OR52N4: variants seen among roughly 807,000 people sequenced by gnomAD.
OR52N4 encodes olfactory receptor family 52 subfamily N member 4.
A neutral mutation model predicts 15.0 loss-of-function variants in OR52N4; 15 were observed. The ratio of observed to expected loss-of-function variants is 1.00; its 90% confidence interval spans 0.67 to 1.54. The LOEUF is 1.54. Ranked by LOEUF, OR52N4 falls within the 40% of genes most tolerant of loss-of-function variation. The pLI, the probability that OR52N4 is intolerant of heterozygous loss-of-function variation, is 0.00. For missense variants in OR52N4, 421 were observed against 394.0 expected (o/e 1.07, Z -0.58); for synonymous variants, 143 against 143.7 (o/e 1.00, Z 0.03).
rs1174613992 is a variant in OR52N4 at position 5,755,463 on chromosome 11, T to C, written c.723T>C (p.Asn241=). Residue 241 remains asparagine (N), a synonymous_variant, in exon 2 of 2, where the codon AAT becomes AAC. Transcript: ENST00000641350. ...CAGATGCTCGGCAGAAGGCCTTTAA[T>C]ACCTGCACTGCCCACATTTGTGCCA... ...SSADARQKAF[N]TCTAHICAIV... is the part of the protein sequence containing the mutation. 10 of 1,614,030 alleles carry C rather than the reference T, an allele frequency of 6.2e-6. No individual in the cohort carries two copies. The highest frequency in any genetic ancestry group is 8.5e-6 in the Non-Finnish European group (10 of 1,179,918).
chr11:5,741,780 G>A, the OR52N4 span, among the ~76,000 whole-genome samples: 1 of 152,080 alleles, frequency 6.6e-6, no homozygotes, highest in South Asian at 2.1e-4. Flanking sequence ...GAAGCCAGGG[G>A]ACAGCAATTA....
the OR52N4 span, among the ~76,000 whole-genome samples, chr11:5,732,444 T>C: frequency 6.6e-6 from 1 of 152,232 alleles, no homozygotes; most frequent in East Asian, 1.9e-4. Flanking sequence ...AAAAGTCATT[T>C]GTAACCTCCA....
At chr11:5,750,259 A>T (rs1208312885), upstream of OR52N4, among the ~76,000 whole-genome samples, 1 of 152,006 alleles carries the variant, frequency 6.6e-6, no homozygotes, top group African/African-American at 2.4e-5. Context: ...TGGAACCATG[A>T]ACACATACTT....
chr11:5,729,946 A>C, the OR52N4 span, among the ~76,000 whole-genome samples: 1 of 152,206 alleles, frequency 6.6e-6, no homozygotes, highest in South Asian at 2.1e-4. Flanking sequence ...GGGATCCCAG[A>C]CTATCAGTTA....
chr11:5,755,034 A>T lies in OR52N4; in HGVS notation c.294A>T (p.Glu98Asp). 1 of 1,614,020 alleles carries T rather than the reference A, an allele frequency of 6.2e-7. No individual in the cohort carries two copies. The highest frequency in any genetic ancestry group is 8.5e-7 in the Non-Finnish European group (1 of 1,179,968). ...WFHLKDIGFD[E>D]CLVQMFFTHT... The stretch of plus-strand genomic sequence containing the variant: ...ATCTCAAGGACATTGGATTTGATGA[A>T]TGCCTTGTCCAGATGTTCTTCACCC... Residue 98 changes from glutamate (E) to aspartate (D), a missense_variant, in exon 2 of 2, where the codon GAA becomes GAT. Coordinates refer to ENST00000641350, the MANE Select transcript of OR52N4 (RefSeq NM_001005175.5).
upstream of OR52N4, among the ~76,000 whole-genome samples, chr11:5,753,584 A>T (rs4414254): frequency 0.17 from 25,956 of 151,806 alleles, 2,415 homozygotes; most frequent in East Asian, 0.25. Flanking sequence ...AAAGTGAAAA[A>T]ATTGAATCAA....
In OR52N4 at chr11:5,754,911, G is replaced by A. The variant is rs1211688298; in HGVS notation, c.171G>A (p.Leu57=). ...LLYLIHYEDA[L]HKPMYYFLAM... The stretch of plus-strand genomic sequence containing the variant: ...ACCTCATTCACTATGAGGATGCCCT[G>A]CACAAACCCATGTACTACTTCTTGG... The change falls in exon 2 of 2, where the codon CTG becomes CTA. Residue 57 remains leucine (L), a synonymous_variant. Transcript: ENST00000641350. The A allele has an allele frequency of 6.2e-7, 1 of 1,613,720 alleles. No individual in the cohort carries two copies. The highest frequency in any genetic ancestry group is 8.5e-7 in the Non-Finnish European group (1 of 1,179,776).
the OR52N4 span, among the ~76,000 whole-genome samples, chr11:5,744,949 T>C: frequency 6.6e-6 from 1 of 151,992 alleles, no homozygotes; most frequent in African/African-American, 2.4e-5. Context: ...AAAAAACATA[T>C]AATCATTTTA....
the OR52N4 span, chr11:5,737,216 G>C: frequency 1.2e-6 from 2 of 1,614,064 alleles, no homozygotes; most frequent in Non-Finnish European, 1.7e-6. Flanking sequence ...TCTGTACTCT[G>C]TACTTAGACT....
the OR52N4 span, among the ~76,000 whole-genome samples, chr11:5,733,917 T>G: frequency 6.6e-6 from 1 of 152,150 alleles, no homozygotes. Flanking sequence ...TCATGTAAAT[T>G]CTTAGGTTAC....
upstream of OR52N4, among the ~76,000 whole-genome samples, chr11:5,752,059 A>G (rs1377090680): frequency 3.9e-5 from 6 of 152,102 alleles, no homozygotes; most frequent in African/African-American, 1.4e-4. Flanking sequence ...TGAGAATGTC[A>G]GTGCGATATG....
chr11:5,737,244 C>T, the OR52N4 span: 2 of 1,614,096 alleles, frequency 1.2e-6, no homozygotes, highest in Non-Finnish European at 1.7e-6. Flanking sequence ...GCTGAAGCTG[C>T]AGCCAAGGCC....
chr11:5,737,154 G>A, the OR52N4 span: 1 of 1,613,970 alleles, frequency 6.2e-7, no homozygotes, highest in Non-Finnish European at 8.5e-7. Flanking sequence ...GTTCTGGCAT[G>A]GCTTGGAATG....
the OR52N4 span, among the ~76,000 whole-genome samples, chr11:5,748,205 CAT>C: frequency 6.6e-6 from 1 of 151,734 alleles, no homozygotes; most frequent in East Asian, 1.9e-4. Context: ...TTTGTTAAAA[CAT>C]ATATAGTTAA....
the OR52N4 span, among the ~76,000 whole-genome samples, chr11:5,745,018 A>G: frequency 2.0e-5 from 3 of 152,150 alleles, no homozygotes; most frequent in Non-Finnish European, 2.9e-5. Context: ...AAAACTGTTA[A>G]CAAACTAGGC....
At chr11:5,748,236 T>C in the OR52N4 span, among the ~76,000 whole-genome samples, 56,745 of 151,736 alleles carry the variant, frequency 0.37, 11,355 homozygotes, top group Non-Finnish European at 0.45. Flanking sequence ...AATACATATA[T>C]AGGATTTTAA....
the OR52N4 span, among the ~76,000 whole-genome samples, chr11:5,731,822 C>T: frequency 3.9e-5 from 6 of 152,230 alleles, no homozygotes; most frequent in African/African-American, 1.4e-4. Flanking sequence ...CCAAATAGTT[C>T]ATACCAACCT....
At chr11:5,737,024 G>GT in the OR52N4 span, 2 of 1,614,154 alleles carry the variant, frequency 1.2e-6, no homozygotes. Context: ...TCCAGTGCCT[G>GT]TGCTTGCAGC....
Position 5,755,844 on chromosome 11 carries a change from T to C in OR52N4, c.*138T>C. 1 of 1,011,286 alleles carries C rather than the reference T, an allele frequency of 9.9e-7. No homozygotes were observed. The highest frequency in any genetic ancestry group is 1.4e-6 in the Non-Finnish European group (1 of 712,524). The allele number at this position is 1,011,286 out of a possible 1,614,324, so 62.6% of individuals were successfully genotyped here. ...TGTTAACTGGTGCATTCTCAATAAGTACCTTGGGAATCTCAACATCATTGG... is the reference window on the plus strand; with the variant it reads ...TGTTAACTGGTGCATTCTCAATAAGCACCTTGGGAATCTCAACATCATTGG... On this transcript the variant is annotated 3_prime_UTR_variant, in exon 2 of 2. Transcript: ENST00000641350.
Sources: allele counts gnomAD v4.1 joint callset (sites outside exome capture counted in the v4.1 genomes callset), GRCh38; gene constraint gnomAD v4.1.1; transcripts MANE v1.5; gene names NCBI Gene and HGNC (gene_info 2026-07-23, HGNC 2026-07-21).